SLC38A8: variants seen among roughly 807,000 people sequenced by gnomAD.
SLC38A8 encodes the protein solute carrier family 38 member 8, also known as amino acid transporter SLC38A8.
SLC38A8 carries 65 observed loss-of-function variants against 46.0 expected under a neutral mutation model. The ratio of observed to expected loss-of-function variants is 1.41; its 90% CI spans 1.16 to 1.74. SLC38A8 has a LOEUF of 1.74. SLC38A8 is among the 40% of genes most tolerant of loss of function. SLC38A8 has a pLI of 0.00. For synonymous variants in SLC38A8, 447 were observed against 243.7 expected (o/e 1.83, Z -7.77); for missense variants, 998 against 567.9 (o/e 1.76, Z -7.70).
chr16:84,038,049 G>A (rs1445510971), intron 2 of SLC38A8, among the ~76,000 whole-genome samples: 2 of 151,280 alleles, frequency 1.3e-5, no homozygotes, highest in Non-Finnish European at 2.9e-5. Context: ...TATGGCTCAC[G>A]CCTGTAATCC....
At chr16:84,036,678 C>A (rs756438746) in intron 3 of SLC38A8, 24 bp downstream of exon 3, 2 of 1,613,388 alleles carry the variant, frequency 1.2e-6, no homozygotes. Context: ...CCTGGGCCAC[C>A]CCGAGTCCCA....
At chr16:84,019,076 C>A (rs966875113) in intron 7 of SLC38A8, among the ~76,000 whole-genome samples, 4 of 150,584 alleles carry the variant, frequency 2.7e-5, no homozygotes, top group African/African-American at 7.4e-5. Flanking sequence ...ACAATTTCTC[C>A]AAAAAAAATT....
upstream of SLC38A8, among the ~76,000 whole-genome samples, chr16:84,042,878 T>G (rs1032831720): frequency 6.7e-6 from 1 of 150,144 alleles, no homozygotes; most frequent in African/African-American, 2.5e-5. Flanking sequence ...GCCCCGGGGG[T>G]GGAGCTTTCT....
intron 2 of SLC38A8, 73 bp from the exon 3 acceptor site, chr16:84,036,973 G>T: frequency 2.1e-6 from 3 of 1,433,982 alleles, no homozygotes; most frequent in Non-Finnish European, 1.9e-6. Flanking sequence ...CCACCCCTCG[G>T]GCACACTCTC....
Position 84,033,538 on chromosome 16 carries a change from C to T in SLC38A8, c.389-69G>A, listed in dbSNP as rs1597274215. 6.7e-6 allele frequency: 10 copies of T among 1,493,774 alleles called. No homozygotes were observed. In the East Asian group the frequency reaches 2.2e-4, roughly 33 times the overall value. The allele number at this position is 1,493,774 out of a possible 1,614,324, so 92.5% of individuals were successfully genotyped here. ...CGTGGGTTCTCGGCTCCCACCTGGC[C>T]CTTCAACCCTGGCTGGGGTTGGACA... On this transcript the variant is annotated intron_variant, in intron 3 of 10. Transcript: ENST00000299709.
At chr16:84,041,099 CG>C (rs2085361958) in intron 2 of SLC38A8, 1 of 152,270 alleles carries the variant, frequency 6.6e-6, no homozygotes, top group African/African-American at 2.4e-5. Context: ...CATCAGCCAG[CG>C]GCAAAGGATC....
At chr16:84,014,149 G>A (rs1296877673) in intron 9 of SLC38A8, among the ~76,000 whole-genome samples, 1 of 151,380 alleles carries the variant, frequency 6.6e-6, no homozygotes, top group African/African-American at 2.4e-5. Flanking sequence ...TGAGGGAGGA[G>A]CTATGTGGCC....
chr16:84,019,436 C>A (rs2085070486), intron 7 of SLC38A8, among the ~76,000 whole-genome samples: 4 of 152,158 alleles, frequency 2.6e-5, no homozygotes, highest in Admixed American at 2.6e-4. Flanking sequence ...ATGGTGCATC[C>A]TTCAACCCTT....
At chr16:84,032,894 ATGTG>A in intron 4 of SLC38A8, among the ~76,000 whole-genome samples, 1 of 137,048 alleles carries the variant, frequency 7.3e-6, no homozygotes, top group Non-Finnish European at 1.6e-5. Context: ...ATGGGGGTGC[ATGTG>A]TGGGTGGGTG....
intron 5 of SLC38A8, among the ~76,000 whole-genome samples, chr16:84,030,166 G>C (rs2085221130): frequency 6.6e-6 from 1 of 152,102 alleles, no homozygotes. Flanking sequence ...TGAAGGCCAA[G>C]ACCCAGTGAT....
intron 6 of SLC38A8, among the ~76,000 whole-genome samples, chr16:84,025,644 G>A (rs529087635): frequency 9.2e-5 from 14 of 152,258 alleles, no homozygotes; most frequent in African/African-American, 3.1e-4. Context: ...CAGCCACCAG[G>A]CCTCCCTCCA....
chr16:84,026,842 T>A (rs901898786), intron 6 of SLC38A8, among the ~76,000 whole-genome samples: 1 of 151,916 alleles, frequency 6.6e-6, no homozygotes, highest in Non-Finnish European at 1.5e-5. Flanking sequence ...CGTAGGCAAA[T>A]CCAGACAGAC....
intron 2 of SLC38A8, among the ~76,000 whole-genome samples, chr16:84,038,823 T>A (rs541303033): frequency 3.3e-5 from 5 of 152,168 alleles, no homozygotes; most frequent in Admixed American, 6.5e-5. Context: ...GATTGATCCG[T>A]ATCGGGCGCA....
chr16:84,015,899 G>A (rs979517665), intron 9 of SLC38A8, among the ~76,000 whole-genome samples: 3 of 152,118 alleles, frequency 2.0e-5, no homozygotes, highest in African/African-American at 7.2e-5. Flanking sequence ...GGCTGGTCTC[G>A]ACCTCCTGAC....
chr16:84,028,332 G>A (rs1473666468), intron 6 of SLC38A8, among the ~76,000 whole-genome samples: 1 of 152,100 alleles, frequency 6.6e-6, no homozygotes, highest in Non-Finnish European at 1.5e-5. Context: ...TATAATCCTA[G>A]CACTGTGGGA....
chr16:84,029,837 T>G (rs2085217249), intron 5 of SLC38A8, among the ~76,000 whole-genome samples: 1 of 152,208 alleles, frequency 6.6e-6, no homozygotes, highest in African/African-American at 2.4e-5. Flanking sequence ...AACTTCCCTC[T>G]TGAAGGCTGC....
In SLC38A8 at chr16:84,042,042, C is replaced by A; in HGVS notation, c.116G>T (p.Gly39Val). ...AVFILMKSALGAGLLNFPWAF... is the reference protein window; with the variant it reads ...AVFILMKSALVAGLLNFPWAF... ...CCAGGGGAAGTTGAGCAGGCCAGCTCCCAGCGCGGACTTCATGAGGATGAA... is the reference window on the plus strand; with the variant it reads ...CCAGGGGAAGTTGAGCAGGCCAGCTACCAGCGCGGACTTCATGAGGATGAA... Residue 39 changes from glycine to valine, a missense_variant, in exon 2 of 11, where the codon GGA (glycine) becomes GTA (valine). By Grantham distance (109) the Gly-to-Val change is moderately radical. Coordinates refer to ENST00000299709, the MANE Select transcript of SLC38A8 (RefSeq NM_001080442.3). 2 of 1,613,944 alleles carry A rather than the reference C, an allele frequency of 1.2e-6. No individual in the cohort carries two copies. Among genetic ancestry groups the A allele is most frequent in the Non-Finnish European group, 1.7e-6 (2 of 1,179,980 alleles).
chr16:84,013,937 G>A (rs1597248770), intron 9 of SLC38A8, among the ~76,000 whole-genome samples: 1 of 151,842 alleles, frequency 6.6e-6, no homozygotes, highest in Non-Finnish European at 1.5e-5. Context: ...GAGGAGCCAC[G>A]TGGCCACAGC....
chr16:84,033,255 C>T, intron 4 of SLC38A8, 73 bp downstream of exon 4: 1 of 1,601,900 alleles, frequency 6.2e-7, no homozygotes, highest in Non-Finnish European at 8.5e-7. Context: ...CCTCTGACCC[C>T]AGATGGACAG....
Sources: gnomAD v4.1 joint callset for allele counts (sites outside exome capture counted in the v4.1 genomes callset) on GRCh38, gnomAD v4.1.1 for gene constraint, MANE v1.5 for transcripts, NCBI Gene and HGNC (gene_info 2026-07-23, HGNC 2026-07-21) for gene names.